Variants in FBXW12 observed in about 807,000 individuals in gnomAD.
The protein encoded by FBXW12 is F-box and WD repeat domain containing 12, also known as F-box/WD repeat-containing protein 12.
In FBXW12, 43 loss-of-function variants were observed where a neutral mutation model predicts 55.3. The observed-to-expected ratio is 0.78, with a 90% confidence interval of 0.61 to 1.00. The LOEUF is 1.00. Among genes scored for constraint, FBXW12 ranks in the 50% least tolerant of loss-of-function variants. The pLI is 0.00. For synonymous variants in FBXW12, 184 were observed against 203.8 expected (o/e 0.90, Z 0.83); for missense variants, 524 against 560.5 (o/e 0.93, Z 0.66).
chr3:48,381,171 C>T (rs563972699), intron 8 of FBXW12, among the ~76,000 whole-genome samples: 32 of 152,064 alleles, frequency 2.1e-4, no homozygotes, highest in Admixed American at 4.6e-4. Flanking sequence ...TACAGGTGCC[C>T]GCCACCATAC....
chr3:48,390,743 TC>T (rs987071795), intron 10 of FBXW12, among the ~76,000 whole-genome samples: 4 of 152,062 alleles, frequency 2.6e-5, no homozygotes. Context: ...GTTTTGTAGT[TC>T]TCCTTGTAGA....
chr3:48,381,367 G>A (rs948359263), intron 8 of FBXW12, among the ~76,000 whole-genome samples: 11 of 152,066 alleles, frequency 7.2e-5, no homozygotes, highest in Non-Finnish European at 1.5e-4. Context: ...ATCCCAGTTC[G>A]ACTCTAATAC....
chr3:48,385,899 TTATA>T (rs1243946629), intron 10 of FBXW12, among the ~76,000 whole-genome samples: 1 of 152,228 alleles, frequency 6.6e-6, no homozygotes, highest in African/African-American at 2.4e-5. Flanking sequence ...GTTAGAGTTC[TTATA>T]TATTTTGGAT....
At position 48,394,700 on chromosome 3, in the gene FBXW12, A is replaced by G. The variant is rs768518771; in HGVS notation, c.*41A>G. The G allele has an allele frequency of 7.5e-6, 8 of 1,064,970 alleles. No homozygotes were observed. In the Admixed American group the frequency reaches 1.7e-4, roughly 22 times the overall value. The allele number at this position is 1,064,970 out of a possible 1,614,324, so 66.0% of individuals were successfully genotyped here. On this transcript the variant is annotated 3_prime_UTR_variant, in exon 11 of 11. Transcript: ENST00000296438. The stretch of plus-strand genomic sequence containing the variant: ...AATTGACCTTGCATCATCTTCTGCA[A>G]TGTAGTAAAGAAATTCTATTTGCAA...
intron 4 of FBXW12, 124 bp downstream of exon 4, chr3:48,373,829 C>G: frequency 1.1e-6 from 1 of 917,038 alleles, no homozygotes; most frequent in Non-Finnish European, 1.6e-6. Flanking sequence ...TAAAATTGAA[C>G]CAGACTGGGT....
intron 4 of FBXW12, among the ~76,000 whole-genome samples, chr3:48,374,816 C>A (rs1311813342): frequency 7.5e-6 from 1 of 134,108 alleles, no homozygotes; most frequent in African/African-American, 2.8e-5. Flanking sequence ...GTCTCCGAGG[C>A]TGGAGTGCAG....
At chr3:48,392,857 T>C (rs2036949655) in intron 10 of FBXW12, among the ~76,000 whole-genome samples, 1 of 152,224 alleles carries the variant, frequency 6.6e-6, no homozygotes. Flanking sequence ...TTAGGATATG[T>C]CTGGTATGAA....
At position 48,372,881 on chromosome 3, in the gene FBXW12, G is replaced by GC. The variant is rs753712498; in HGVS notation, c.90+30dup. The GC allele has an allele frequency of 1.1e-5, 17 of 1,602,652 alleles. No homozygotes were observed. In the African/African-American group the frequency reaches 1.7e-4, roughly 16 times the overall value. On this transcript the variant is annotated intron_variant, in intron 2 of 10. Transcript: ENST00000296438. ...AGGTAAAGGCCTTCCACCTCCCACT[G>GC]CCCCCCAAGCCCGCTGCTTCTCTCG...
At chr3:48,392,986 CTTTTTT>C (rs782102353) in intron 10 of FBXW12, among the ~76,000 whole-genome samples, 3 of 125,162 alleles carry the variant, frequency 2.4e-5, no homozygotes, top group African/African-American at 6.0e-5. Flanking sequence ...AAGGGGTACC[CTTTTTT>C]TTTTTTTTTT....
chr3:48,377,832 C>T (rs2036706501), intron 5 of FBXW12, among the ~76,000 whole-genome samples: 1 of 152,092 alleles, frequency 6.6e-6, no homozygotes, highest in African/African-American at 2.4e-5. Flanking sequence ...ATATACTTTA[C>T]AATTTTTTTA....
chr3:48,386,943 T>TC (rs1361918381), intron 10 of FBXW12, among the ~76,000 whole-genome samples: 38 of 146,810 alleles, frequency 2.6e-4, no homozygotes, highest in East Asian at 1.3e-3. Flanking sequence ...TTCTTCTTCT[T>TC]TTTTTTTTTT....
At position 48,394,623 on chromosome 3, in the gene FBXW12, C is replaced by G; in HGVS notation, c.1359C>G (p.Asp453Glu). ...SIVLRVRKVS[D>E]SSILVMYSLN... ...TACTTAGGGTGAGGAAAGTAAGTGA[C>G]TCCAGCATTCTGGTGATGTATTCTT... The change falls in exon 11 of 11, where the codon GAC becomes GAG. Residue 453 changes from aspartate to glutamate, a missense_variant. Transcript: ENST00000296438. The G allele has an allele frequency of 6.2e-7, 1 of 1,604,574 alleles. No individual in the cohort carries two copies. The highest frequency in any genetic ancestry group is 1.1e-5 in the South Asian group (1 of 89,966).
At chr3:48,393,620 C>T (rs147718512) in intron 10 of FBXW12, among the ~76,000 whole-genome samples, 1 of 152,188 alleles carries the variant, frequency 6.6e-6, no homozygotes, top group Non-Finnish European at 1.5e-5. Flanking sequence ...GAGCAGAATT[C>T]TATTTTAAAA....
chr3:48,393,705 CT>C (rs2036963215), intron 10 of FBXW12, among the ~76,000 whole-genome samples: 1 of 152,128 alleles, frequency 6.6e-6, no homozygotes, highest in South Asian at 2.1e-4. Context: ...AGGCAGATCG[CT>C]TGAGTGCAGG....
intron 10 of FBXW12, among the ~76,000 whole-genome samples, chr3:48,386,140 T>C (rs1286167021): frequency 6.6e-6 from 1 of 152,198 alleles, no homozygotes; most frequent in East Asian, 1.9e-4. Flanking sequence ...AGGTTTTATA[T>C]TTAAGTCTTT....
chr3:48,380,119 G>A (rs1560031641), intron 7 of FBXW12: 1 of 149,408 alleles, frequency 6.7e-6, no homozygotes, highest in African/African-American at 2.5e-5. Flanking sequence ...GCAACATGGC[G>A]AGACCCTACC....
rs774005947 is a variant in FBXW12, at chr3:48,373,620, A to AT, written c.206dup (p.Leu70ProfsTer17). On this transcript the variant is annotated frameshift_variant, in exon 4 of 11. Transcript: ENST00000296438. LOFTEE classifies it high-confidence loss of function. ...ACCTGGGCACACACACATGGAAGCA[A>AT]TTTTTCCTGCATCAAAGAAGGAAGG... 33 of 1,613,924 alleles carry AT rather than the reference A, an allele frequency of 2.0e-5. No homozygotes were observed. In the African/African-American group the frequency reaches 4.1e-4, roughly 20 times the overall value.
intron 10 of FBXW12, among the ~76,000 whole-genome samples, chr3:48,387,040 C>T (rs1317886102): frequency 6.6e-6 from 1 of 151,516 alleles, no homozygotes; most frequent in African/African-American, 2.4e-5. Flanking sequence ...TGGGTTCAAG[C>T]GATTCTCCTG....
chr3:48,382,673 G>C (rs763471101), intron 10 of FBXW12, among the ~76,000 whole-genome samples: 2 of 152,062 alleles, frequency 1.3e-5, no homozygotes, highest in African/African-American at 2.4e-5. Flanking sequence ...TTAGCCACTT[G>C]CTTGCTGCTT....
Sources: allele counts gnomAD v4.1 joint callset (sites outside exome capture counted in the v4.1 genomes callset), GRCh38; gene constraint gnomAD v4.1.1; transcripts MANE v1.5; gene names NCBI Gene and HGNC (gene_info 2026-07-23, HGNC 2026-07-21).